PTK7: variants seen among roughly 807,000 people sequenced by gnomAD.
The protein encoded by PTK7 is inactive tyrosine-protein kinase 7.
A neutral mutation model predicts 116.6 loss-of-function variants in PTK7; 39 were observed. The observed-to-expected ratio is 0.33, with a 90% CI of 0.26 to 0.44. PTK7 has a LOEUF of 0.44. Ranked by LOEUF, PTK7 falls within the 20% of genes least tolerant of loss-of-function variation. The pLI, the probability that PTK7 is intolerant of heterozygous loss-of-function variation, is 1.00. For synonymous variants in PTK7, 546 were observed against 563.6 expected (o/e 0.97, Z 0.44); for missense variants, 1,169 against 1,425.6 (o/e 0.82, Z 2.90).
At chr6:43,132,351 C>G in intron 6 of PTK7, 70 bp from the exon 7 acceptor site, 1 of 1,520,694 alleles carries the variant, frequency 6.6e-7, no homozygotes, top group Non-Finnish European at 8.9e-7. Flanking sequence ...CCTAGGCTTG[C>G]TGTGGGAGAA....
intron 1 of PTK7, among the ~76,000 whole-genome samples, chr6:43,118,502 C>T (rs1768693316): frequency 1.3e-5 from 2 of 151,506 alleles, no homozygotes; most frequent in African/African-American, 2.4e-5. Context: ...CACCACTGCA[C>T]TCCAGCCTGG....
At chr6:43,136,836 A>G (rs1455170728) in intron 7 of PTK7, among the ~76,000 whole-genome samples, 1 of 152,002 alleles carries the variant, frequency 6.6e-6, no homozygotes, top group Non-Finnish European at 1.5e-5. Flanking sequence ...CCCCGTCTCT[A>G]CTAAAAATAA....
At chr6:43,146,562 C>A in intron 16 of PTK7, 56 bp from the exon 17 acceptor site, 1 of 1,536,026 alleles carries the variant, frequency 6.5e-7, no homozygotes, top group Non-Finnish European at 9.0e-7. Context: ...TGGTCTGAGG[C>A]TTTACAGCCA....
At chr6:43,140,099 G>A (rs1415022825) in intron 10 of PTK7, among the ~76,000 whole-genome samples, 1 of 151,964 alleles carries the variant, frequency 6.6e-6, no homozygotes, top group African/African-American at 2.4e-5. Flanking sequence ...GGCTGACAGA[G>A]TGAGACTCTG....
intron 7 of PTK7, among the ~76,000 whole-genome samples, chr6:43,134,726 G>A (rs528290349): frequency 2.0e-5 from 3 of 151,714 alleles, no homozygotes; most frequent in Admixed American, 6.6e-5. Flanking sequence ...GTTGCAGTGA[G>A]TCGAGATCGT....
In PTK7 at chr6:43,145,523, C is replaced by T. The variant is rs1347303187; in HGVS notation, c.2640+91C>T. The T allele has an allele frequency of 9.0e-7, 1 of 1,116,876 alleles. No individual in the cohort carries two copies. The highest frequency in any genetic ancestry group is 2.6e-5 in the East Asian group (1 of 39,154). 69.2% of individuals were successfully genotyped at this position (1,116,876 alleles called of 1,614,324 possible). On this transcript the variant is annotated intron_variant, in intron 16 of 19. Coordinates refer to ENST00000230419, the MANE Select transcript of PTK7 (RefSeq NM_002821.5). The surrounding 1 kb of genome is among the most constrained non-coding windows in gnomAD (Gnocchi z 4.8). ...TCAGTGGTTGGAGCACCGTGAAAACCTTGTCTCGTGCAGTCTCAGCCGAGA... is the reference window on the plus strand; with the variant it reads ...TCAGTGGTTGGAGCACCGTGAAAACTTTGTCTCGTGCAGTCTCAGCCGAGA...
chr6:43,118,264 C>T (rs768693457), intron 1 of PTK7, among the ~76,000 whole-genome samples: 3 of 151,910 alleles, frequency 2.0e-5, no homozygotes, highest in Admixed American at 6.6e-5. Context: ...AGGCCGGGCG[C>T]GTTGGCTCAT....
Position 43,141,655 on chromosome 6 carries a change from G to T in PTK7, c.1619-13G>T. 1 of 1,612,600 alleles carries T rather than the reference G, an allele frequency of 6.2e-7. No individual in the cohort carries two copies. The highest frequency in any genetic ancestry group is 2.2e-5 in the East Asian group (1 of 44,842). On this transcript the variant is annotated splice_polypyrimidine_tract_variant and intron_variant, in intron 10 of 19. Transcript: ENST00000230419. The surrounding 1 kb of genome is among the most constrained non-coding windows in gnomAD (Gnocchi z 4.9). ...CTGATCCTTCCCATAATTTCCCTTT[G>T]TTACCCCTGCAGATGGGAGCAGCCT... is the stretch of plus-strand genomic sequence containing the variant.
At chr6:43,121,132 C>T (rs1486620310) in intron 1 of PTK7, among the ~76,000 whole-genome samples, 1 of 150,956 alleles carries the variant, frequency 6.6e-6, no homozygotes, top group African/African-American at 2.4e-5. Context: ...GCCTCATCCT[C>T]CCAAGTTGCT....
intron 1 of PTK7, among the ~76,000 whole-genome samples, chr6:43,110,317 ATTTATG>A (rs1172619041): frequency 6.6e-6 from 1 of 150,634 alleles, no homozygotes; most frequent in Non-Finnish European, 1.5e-5. Context: ...TTTATTAATC[ATTTATG>A]TTTGTTTTGA....
At chr6:43,109,915 A>G (rs1018927461) in intron 1 of PTK7, among the ~76,000 whole-genome samples, 1 of 150,064 alleles carries the variant, frequency 6.7e-6, no homozygotes, top group Non-Finnish European at 1.5e-5. Context: ...AGTCAGGATG[A>G]TCTCGATTTC....
Position 43,139,019 on chromosome 6 carries a change from C to T in PTK7, c.1362+37C>T, listed in dbSNP as rs1243717750. 1.2e-6 allele frequency: 2 copies of T among 1,608,362 alleles called. No homozygotes were observed. Among genetic ancestry groups the T allele is most frequent in the Non-Finnish European group, 1.7e-6 (2 of 1,176,060 alleles). On this transcript the variant is annotated intron_variant, in intron 8 of 19. Transcript: ENST00000230419. The surrounding 1 kb of genome is among the most constrained non-coding windows in gnomAD (Gnocchi z 4.6). Reference sequence around the variant, plus strand: ...GAGTGTTGCTAGTGGATGGGCGGGGCCTTCCCTCCACTTGCCCTCTTCTGT... The same window carrying T: ...GAGTGTTGCTAGTGGATGGGCGGGGTCTTCCCTCCACTTGCCCTCTTCTGT...
intron 1 of PTK7, among the ~76,000 whole-genome samples, chr6:43,082,411 C>G (rs1346212238): frequency 6.6e-6 from 1 of 152,104 alleles, no homozygotes; most frequent in Non-Finnish European, 1.5e-5. Context: ...CTCCTGACTT[C>G]ATGATCCGCC....
rs1242838703 is a variant in PTK7, at chr6:43,076,405, T to A, written c.-84T>A. The A allele has an allele frequency of 4.4e-6, 5 of 1,137,770 alleles. No individual in the cohort carries two copies. Among genetic ancestry groups the A allele is most frequent in the Non-Finnish European group, 4.6e-6 (4 of 873,594 alleles). The allele number at this position is 1,137,770 out of a possible 1,614,324, so 70.5% of individuals were successfully genotyped here. A position where few individuals can be genotyped will look rare whatever the true frequency, so the allele number is the denominator to read the frequency against. ...TGCTGCTGCGGCGCCCGCGCTCCGG[T>A]GCGCTCCGCCTCCTGTGCCCGCCGC... On this transcript the variant is annotated 5_prime_UTR_variant, in exon 1 of 20. Coordinates refer to ENST00000230419, the MANE Select transcript of PTK7 (RefSeq NM_002821.5). The surrounding 1 kb of genome is among the most constrained non-coding windows in gnomAD (Gnocchi z 5.7).
At position 43,143,363 on chromosome 6, in the gene PTK7, C is replaced by T; in HGVS notation, c.2048-54C>T. 3 of 1,559,648 alleles carry T rather than the reference C, an allele frequency of 1.9e-6. No homozygotes were observed. Among genetic ancestry groups the T allele is most frequent in the Non-Finnish European group, 2.6e-6 (3 of 1,142,184 alleles). ...GGGTTGGGAGGAGTTAGTAGAGAAG[C>T]AGGGCTTCTTTTGCTTAGCAGCCCC... On this transcript the variant is annotated intron_variant, in intron 13 of 19. Transcript: ENST00000230419. This position sits in a 1 kb window ranked among gnomAD's most constrained non-coding sequence, Gnocchi z 4.2.
chr6:43,076,888 G>T lies in PTK7; in HGVS notation c.79+321G>T, dbSNP rs1273300170. The T allele has an allele frequency of 1.3e-6, 2 of 1,504,180 alleles. No homozygotes were observed. Among genetic ancestry groups the T allele is most frequent in the African/African-American group, 1.4e-5 (1 of 72,064 alleles). The allele number at this position is 1,504,180 out of a possible 1,614,324, so 93.2% of individuals were successfully genotyped here. On this transcript the variant is annotated intron_variant, in intron 1 of 19. Coordinates refer to ENST00000230419, the MANE Select transcript of PTK7 (RefSeq NM_002821.5). The surrounding 1 kb of genome is among the most constrained non-coding windows in gnomAD (Gnocchi z 5.7). Reference sequence around the variant, plus strand: ...GTTGCTGGCTCTCGGGCCCAGATGGGGAGTTTCTTGTCGGGGGAGAAAAGA... The same window carrying T: ...GTTGCTGGCTCTCGGGCCCAGATGGTGAGTTTCTTGTCGGGGGAGAAAAGA...
At chr6:43,108,333 G>C (rs1471474963) in intron 1 of PTK7, among the ~76,000 whole-genome samples, 1 of 151,538 alleles carries the variant, frequency 6.6e-6, no homozygotes, top group Admixed American at 6.6e-5. Flanking sequence ...GACCTCAGGT[G>C]ATCCTCCTGC....
intron 17 of PTK7, among the ~76,000 whole-genome samples, chr6:43,147,302 C>T (rs950911516): frequency 5.3e-5 from 8 of 152,192 alleles, no homozygotes; most frequent in African/African-American, 1.9e-4. Flanking sequence ...TAGAGCAGAC[C>T]TTGGTTGAAA....
intron 1 of PTK7, among the ~76,000 whole-genome samples, chr6:43,115,267 TAA>T (rs1365378136): frequency 4.6e-5 from 7 of 152,192 alleles, no homozygotes; most frequent in African/African-American, 1.7e-4. Flanking sequence ...GTAATGTAGT[TAA>T]GAGATTAAAT....
Sources: gnomAD v4.1 joint callset for allele counts (sites outside exome capture counted in the v4.1 genomes callset) on GRCh38, gnomAD v4.1.1 for gene constraint, Gnocchi (gnomAD v3.1) non-coding constraint, MANE v1.5 for transcripts, NCBI Gene and HGNC (gene_info 2026-07-23, HGNC 2026-07-21) for gene names.